Variants in ITPR2 observed in about 807,000 individuals in gnomAD.
The protein encoded by ITPR2 is inositol 1,4,5-trisphosphate receptor type 2.
ITPR2 carries 207 observed loss-of-function variants against 317.1 expected under a neutral mutation model. The ratio of observed to expected loss-of-function variants is 0.65; its 90% CI spans 0.58 to 0.73. ITPR2 has a LOEUF of 0.73. Ranked by LOEUF, ITPR2 falls within the 30% of genes least tolerant of loss-of-function variation. The pLI is 0.00. For missense variants in ITPR2, 2,613 were observed against 3,284.0 expected (o/e 0.80, Z 4.99); for synonymous variants, 1,156 against 1,149.1 (o/e 1.01, Z -0.12).
intron 51 of ITPR2, among the ~76,000 whole-genome samples, chr12:26,412,062 T>C (rs990221077): frequency 6.6e-6 from 1 of 152,210 alleles, no homozygotes. Flanking sequence ...GTTGTTTTTG[T>C]TAGTAACACA....
intron 26 of ITPR2, among the ~76,000 whole-genome samples, chr12:26,607,321 T>A (rs1174381675): frequency 2.0e-5 from 3 of 152,104 alleles, no homozygotes; most frequent in African/African-American, 4.8e-5. Flanking sequence ...CAAAAAAAAA[T>A]TTTAATAACC....
chr12:26,674,444 A>G (rs972719529), intron 13 of ITPR2, among the ~76,000 whole-genome samples: 4 of 152,154 alleles, frequency 2.6e-5, no homozygotes, highest in Admixed American at 6.5e-5. Flanking sequence ...AAGCAATGGG[A>G]AAAGGATTCC....
chr12:26,475,299 A>G lies in ITPR2; in HGVS notation c.6339T>C (p.His2113=). 6.2e-7 allele frequency: 1 copy of G among 1,613,896 alleles called. No individual in the cohort carries two copies. The highest frequency in any genetic ancestry group is 1.6e-4 in the Middle Eastern group (1 of 6,062). The change falls in exon 45 of 57, where the codon CAT becomes CAC. Residue 2113 remains histidine, a synonymous_variant. Transcript: ENST00000381340. ...GTAAAGATATAAAATGTGACACCTGATGGGCCAGAATATAGATATTGTGTC... is the reference window on the plus strand; with the variant it reads ...GTAAAGATATAAAATGTGACACCTGGTGGGCCAGAATATAGATATTGTGTC... The part of the protein sequence containing the change: ...DVGHNIYILA[H]QLARHNKLLQ...
At chr12:26,420,706 G>A (rs12303360) in intron 49 of ITPR2, among the ~76,000 whole-genome samples, 16,587 of 152,040 alleles carry the variant, frequency 0.11, 1,257 homozygotes, top group African/African-American at 0.22. Context: ...AAGTATAGCT[G>A]TAGCATAATG....
intron 32 of ITPR2, among the ~76,000 whole-genome samples, chr12:26,585,109 T>A (rs1945492057): frequency 6.6e-6 from 1 of 152,142 alleles, no homozygotes; most frequent in Admixed American, 6.5e-5. Context: ...ATACAGAAAA[T>A]ATAAAATGGA....
chr12:26,790,076 T>G, intron 2 of ITPR2, 81 bp downstream of exon 2: 1 of 916,798 alleles, frequency 1.1e-6, no homozygotes, highest in East Asian at 2.5e-5. Flanking sequence ...TTGAATAAAG[T>G]TTTAACATTA....
chr12:26,565,543 T>C (rs80091696), intron 34 of ITPR2, among the ~76,000 whole-genome samples: 72 of 114,668 alleles, frequency 6.3e-4, no homozygotes, highest in South Asian at 4.9e-3. Flanking sequence ...GACAGACAGA[T>C]AGATAGATAA....
chr12:26,459,448 C>T (rs57398203), intron 45 of ITPR2, among the ~76,000 whole-genome samples: 2,124 of 152,262 alleles, frequency 0.014, 55 homozygotes, highest in African/African-American at 0.049. Context: ...CACTGCAGTC[C>T]AGTTTGTGTC....
chr12:26,430,417 C>A (rs1409683269), intron 48 of ITPR2, among the ~76,000 whole-genome samples: 2 of 152,194 alleles, frequency 1.3e-5, no homozygotes, highest in Non-Finnish European at 2.9e-5. Context: ...GTGCCTGCCA[C>A]CACGTCTGGC....
At chr12:26,752,972 G>A (rs568151919) in intron 2 of ITPR2, among the ~76,000 whole-genome samples, 7 of 152,218 alleles carry the variant, frequency 4.6e-5, no homozygotes, top group Middle Eastern at 3.4e-3. Context: ...TCTTTCTGGC[G>A]AACCACAGAA....
intron 21 of ITPR2, among the ~76,000 whole-genome samples, chr12:26,644,416 A>C (rs1030695324): frequency 2.0e-5 from 3 of 152,176 alleles, no homozygotes; most frequent in Non-Finnish European, 4.4e-5. Flanking sequence ...CTCACCAGAC[A>C]CTGAATCTGC....
chr12:26,719,116 C>T (rs1592067416), intron 5 of ITPR2, among the ~76,000 whole-genome samples: 1 of 152,204 alleles, frequency 6.6e-6, no homozygotes, highest in Non-Finnish European at 1.5e-5. Flanking sequence ...GGATAAACTA[C>T]CAATCATGTG....
intron 2 of ITPR2, among the ~76,000 whole-genome samples, chr12:26,727,122 G>A (rs1419344306): frequency 6.6e-6 from 1 of 152,120 alleles, no homozygotes; most frequent in Non-Finnish European, 1.5e-5. Flanking sequence ...GACCAAAGAC[G>A]GACAGCCTGG....
intron 34 of ITPR2, among the ~76,000 whole-genome samples, chr12:26,578,327 C>A (rs2137070435): frequency 6.6e-6 from 1 of 152,214 alleles, no homozygotes; most frequent in East Asian, 1.9e-4. Flanking sequence ...TGACACACTT[C>A]AAACAAAATT....
chr12:26,630,107 G>A (rs1946714920), intron 22 of ITPR2, among the ~76,000 whole-genome samples: 1 of 152,196 alleles, frequency 6.6e-6, no homozygotes, highest in South Asian at 2.1e-4. Flanking sequence ...ATGAGCAGAA[G>A]GCAGGGGGCA....
chr12:26,340,429 C>T, intron 55 of ITPR2, 101 bp from the exon 56 acceptor site: 1 of 1,223,276 alleles, frequency 8.2e-7, no homozygotes. Context: ...AGTCTCTTAG[C>T]ACTCAAATTG....
chr12:26,710,458 T>A (rs946080668), intron 9 of ITPR2, among the ~76,000 whole-genome samples: 5 of 152,164 alleles, frequency 3.3e-5, no homozygotes, highest in Non-Finnish European at 5.9e-5. Context: ...CCTCTATCCA[T>A]TCACAAAATA....
intron 5 of ITPR2, among the ~76,000 whole-genome samples, chr12:26,721,043 C>A (rs914010245): frequency 6.6e-6 from 1 of 152,094 alleles, no homozygotes; most frequent in African/African-American, 2.4e-5. Flanking sequence ...GGGATGGGAA[C>A]AAGCATTGCA....
rs74574686 is a variant in ITPR2 at position 26,369,288 on chromosome 12, T to A, written c.7857+18146A>T. Among the ~76,000 whole-genome samples the A allele has an allele frequency of 2.5e-3, 388 of 152,252 alleles. 2 individuals carry two copies. Among genetic ancestry groups the A allele is most frequent in the African/African-American group, 8.8e-3 (367 of 41,528 alleles). On this transcript the variant is annotated intron_variant, in intron 55 of 56. Transcript: ENST00000381340. The stretch of plus-strand genomic sequence containing the variant: ...GACATATTCTGATTTATGTTTTAGA[T>A]TTTTTTCATTTTTTTCTTTGAGGCA...
Sources: allele counts gnomAD v4.1 joint callset (sites outside exome capture counted in the v4.1 genomes callset), GRCh38; gene constraint gnomAD v4.1.1; transcripts MANE v1.5; gene names NCBI Gene and HGNC (gene_info 2026-07-23, HGNC 2026-07-21).